DNAH12: variants seen among roughly 807,000 people sequenced by gnomAD.
DNAH12 encodes dynein axonemal heavy chain 12, also known as axonemal beta dynein heavy chain 12.
A neutral mutation model predicts 371.5 loss-of-function variants in DNAH12; 285 were observed. That is an observed-to-expected ratio of 0.77 (90% confidence interval 0.70 to 0.85). The LOEUF is 0.85. Among genes scored for constraint, DNAH12 ranks in the 40% least tolerant of loss-of-function variants. The pLI, the probability that DNAH12 is intolerant of heterozygous loss-of-function variation, is 0.00. For missense variants in DNAH12, 3,611 were observed against 3,689.4 expected (o/e 0.98, Z 0.55); for synonymous variants, 1,200 against 1,213.0 (o/e 0.99, Z 0.22).
chr3:57,529,066 C>T (rs544736811), intron 2 of DNAH12, among the ~76,000 whole-genome samples: 1 of 152,268 alleles, frequency 6.6e-6, no homozygotes, highest in East Asian at 1.9e-4. Context: ...TCCCACAGTG[C>T]TGGGATTACA....
intron 4 of DNAH12, among the ~76,000 whole-genome samples, chr3:57,520,478 T>C (rs9819385): frequency 0.07 from 10,509 of 150,294 alleles, 1,290 homozygotes; most frequent in African/African-American, 0.24. Flanking sequence ...AGTCTTGCTC[T>C]GTCACCCAGG....
At chr3:57,417,875 G>A (rs2064429056) in intron 37 of DNAH12, among the ~76,000 whole-genome samples, 1 of 152,168 alleles carries the variant, frequency 6.6e-6, no homozygotes, top group Non-Finnish European at 1.5e-5. Flanking sequence ...AACAGGCTGG[G>A]CACGGTGGCT....
At position 57,498,566 on chromosome 3, in the gene DNAH12, C is replaced by G. The variant is rs1166736868; in HGVS notation, c.1335+2755G>C. On this transcript the variant is annotated intron_variant, in intron 11 of 73. Coordinates refer to ENST00000495027, the MANE Select transcript of DNAH12 (RefSeq NM_001366028.2). ...AGAAAGAGAAATGAAAGCATATGTCCGCACAAAGACTTGTAAACAGAAGAC... is the reference window on the plus strand; with the variant it reads ...AGAAAGAGAAATGAAAGCATATGTCGGCACAAAGACTTGTAAACAGAAGAC... 7 of 716,836 alleles carry G rather than the reference C, an allele frequency of 9.8e-6. No individual in the cohort carries two copies. The South Asian group carries it at 1.0e-4, about 11-fold the overall frequency. 44.4% of individuals were successfully genotyped at this position (716,836 alleles called of 1,614,324 possible).
At chr3:57,483,340 AAAAC>A (rs2066814973) in intron 13 of DNAH12, 32 bp downstream of exon 13, 5 of 1,534,610 alleles carry the variant, frequency 3.3e-6, no homozygotes, top group Non-Finnish European at 4.4e-6. Flanking sequence ...TTTCACAATG[AAAAC>A]AAACCAAAAT....
At chr3:57,523,166 T>G (rs1338234475) in intron 4 of DNAH12, among the ~76,000 whole-genome samples, 5 of 152,074 alleles carry the variant, frequency 3.3e-5, no homozygotes, top group African/African-American at 7.2e-5. Context: ...GAGGATCACT[T>G]GAGTCCAGGA....
At chr3:57,546,011 T>C (rs549679095), upstream of DNAH12, among the ~76,000 whole-genome samples, 2 of 152,176 alleles carry the variant, frequency 1.3e-5, no homozygotes, top group Non-Finnish European at 2.9e-5. Flanking sequence ...AATCATCACT[T>C]CAGCTCCTGA....
intron 59 of DNAH12, among the ~76,000 whole-genome samples, 165 bp downstream of exon 59, chr3:57,357,011 G>C (rs1052091498): frequency 1.3e-5 from 2 of 152,096 alleles, no homozygotes; most frequent in African/African-American, 2.4e-5. Flanking sequence ...CCAAAGTGCT[G>C]AGATTACAGG....
At chr3:57,543,615 C>T (rs2069398473) in intron 1 of DNAH12, among the ~76,000 whole-genome samples, 1 of 151,224 alleles carries the variant, frequency 6.6e-6, no homozygotes, top group South Asian at 2.1e-4. Flanking sequence ...GCCACCGCCC[C>T]CAGCCAATCA....
At chr3:57,412,644 C>G (rs1553683391) in intron 39 of DNAH12, among the ~76,000 whole-genome samples, 1 of 152,108 alleles carries the variant, frequency 6.6e-6, no homozygotes, top group Admixed American at 6.6e-5. Flanking sequence ...TAACAGACAC[C>G]TCACCAAGTA....
chr3:57,341,723 A>G (rs2062404469), intron 60 of DNAH12, among the ~76,000 whole-genome samples: 1 of 152,162 alleles, frequency 6.6e-6, no homozygotes, highest in South Asian at 2.1e-4. Context: ...CTCTCTATCA[A>G]TATACCAATG....
chr3:57,550,623 C>T, the DNAH12 span, among the ~76,000 whole-genome samples: 1 of 152,010 alleles, frequency 6.6e-6, no homozygotes, highest in African/African-American at 2.4e-5. Flanking sequence ...AGCGATTCTC[C>T]TGCCTCAGCT....
chr3:57,541,653 C>CT (rs959262323), intron 2 of DNAH12, among the ~76,000 whole-genome samples: 170 of 145,066 alleles, frequency 1.2e-3, no homozygotes, highest in Admixed American at 1.3e-3. Flanking sequence ...GGCATGTAAT[C>CT]TTTTTTTTTT....
rs2063363687 is a variant in DNAH12, at chr3:57,380,383, A to G, written c.7993-16T>C. On this transcript the variant is annotated splice_polypyrimidine_tract_variant and intron_variant, in intron 50 of 73. Transcript: ENST00000495027. ...AATCTAATATCTACAAATAAAATTTATGGAAATTTGTTAAATTTGCAACTA... is the reference window on the plus strand; with the variant it reads ...AATCTAATATCTACAAATAAAATTTGTGGAAATTTGTTAAATTTGCAACTA... 6.6e-6 allele frequency: 1 copy of G among 152,208 alleles called. No homozygotes were observed. Among genetic ancestry groups the G allele is most frequent in the African/African-American group, 2.4e-5 (1 of 41,468 alleles). The allele number at this position is 152,208 out of a possible 1,614,324, so 9.4% of individuals were successfully genotyped here.
chr3:57,361,405 T>C (rs2062925894), intron 58 of DNAH12, among the ~76,000 whole-genome samples: 1 of 145,006 alleles, frequency 6.9e-6, no homozygotes, highest in South Asian at 2.1e-4. Context: ...ACGCACTATA[T>C]ATATATACAC....
At chr3:57,316,943 G>A (rs1249195699) in intron 65 of DNAH12, among the ~76,000 whole-genome samples, 6 of 152,234 alleles carry the variant, frequency 3.9e-5, no homozygotes, top group South Asian at 2.1e-4. Flanking sequence ...GTGTAAGAAC[G>A]GACTAATTCA....
chr3:57,483,127 C>A (rs2066806731), intron 13 of DNAH12, among the ~76,000 whole-genome samples: 1 of 146,080 alleles, frequency 6.8e-6, no homozygotes, highest in African/African-American at 2.5e-5. Context: ...AAATTCCAAG[C>A]TAAAATTACT....
At chr3:57,306,296 T>C (rs1054943701) in intron 69 of DNAH12, among the ~76,000 whole-genome samples, 7 of 152,134 alleles carry the variant, frequency 4.6e-5, no homozygotes, top group South Asian at 2.1e-4. Context: ...TTTTCAAGGG[T>C]CTGTTTCCCT....
chr3:57,311,879 GTAA>G (rs1375609991), intron 66 of DNAH12, among the ~76,000 whole-genome samples: 1 of 152,104 alleles, frequency 6.6e-6, no homozygotes, highest in Admixed American at 6.5e-5. Context: ...TATTATTGTT[GTAA>G]TAATAGTAAT....
chr3:57,414,290 T>A (rs541549196), intron 38 of DNAH12, among the ~76,000 whole-genome samples: 1 of 152,246 alleles, frequency 6.6e-6, no homozygotes, highest in Non-Finnish European at 1.5e-5. Flanking sequence ...AGTATATGCA[T>A]GTTTCTACAA....
Sources: gnomAD v4.1 joint callset for allele counts (sites outside exome capture counted in the v4.1 genomes callset) on GRCh38, gnomAD v4.1.1 for gene constraint, MANE v1.5 for transcripts, NCBI Gene and HGNC (gene_info 2026-07-23, HGNC 2026-07-21) for gene names.